The following CAMK1D variants were observed in gnomAD, a reference collection of about 807,000 sequenced individuals.
The protein encoded by CAMK1D is calcium/calmodulin-dependent protein kinase type 1D.
Under a neutral mutation model 47.7 loss-of-function variants are expected in CAMK1D, and 9 were observed. The ratio of observed to expected loss-of-function variants is 0.19; its 90% confidence interval spans 0.11 to 0.33. The LOEUF is 0.33. Among genes scored for constraint, CAMK1D ranks in the 10% least tolerant of loss-of-function variants. The pLI is 1.00. For synonymous variants in CAMK1D, 184 were observed against 184.9 expected, an observed-to-expected ratio of 0.99 and a Z score of 0.04; for missense variants, 291 against 488.7, an observed-to-expected ratio of 0.60 and a Z score of 3.81.
chr10:12,786,741 A>G (rs1256842547), intron 5 of CAMK1D, among the ~76,000 whole-genome samples: 1 of 152,154 alleles, frequency 6.6e-6, no homozygotes, highest in Non-Finnish European at 1.5e-5. Context: ...TTTCTTAACC[A>G]TATGCTTGAT....
intron 3 of CAMK1D, among the ~76,000 whole-genome samples, chr10:12,728,372 A>G (rs926372323): frequency 1.3e-5 from 2 of 152,234 alleles, no homozygotes; most frequent in Non-Finnish European, 2.9e-5. Context: ...CGCTAGTTAC[A>G]TCGGTACAAA....
At chr10:12,643,909 G>A (rs958457692) in intron 2 of CAMK1D, among the ~76,000 whole-genome samples, 4 of 151,468 alleles carry the variant, frequency 2.6e-5, no homozygotes, top group African/African-American at 7.3e-5. Flanking sequence ...AATCTAATGC[G>A]TGATGATCTG....
chr10:12,731,212 C>G (rs1484664057), intron 3 of CAMK1D, among the ~76,000 whole-genome samples: 1 of 152,114 alleles, frequency 6.6e-6, no homozygotes, highest in Non-Finnish European at 1.5e-5. Context: ...GGAATGAGAT[C>G]TAGTGTACGT....
chr10:12,650,088 T>A (rs1324959532), intron 2 of CAMK1D, among the ~76,000 whole-genome samples: 1 of 152,232 alleles, frequency 6.6e-6, no homozygotes, highest in African/African-American at 2.4e-5. Flanking sequence ...CAGGTGACCT[T>A]GGTGACAAAG....
chr10:12,619,707 C>G (rs1838932243), intron 2 of CAMK1D, among the ~76,000 whole-genome samples: 1 of 151,856 alleles, frequency 6.6e-6, no homozygotes, highest in Non-Finnish European at 1.5e-5. Context: ...TACCCTTTAC[C>G]AAGTTTCCCC....
intron 3 of CAMK1D, among the ~76,000 whole-genome samples, chr10:12,738,444 T>C (rs972018687): frequency 6.6e-6 from 1 of 152,244 alleles, no homozygotes; most frequent in Admixed American, 6.5e-5. Context: ...AGGAATGGCA[T>C]CATCCAAAAT....
At chr10:12,608,641 T>C (rs1489409513) in intron 2 of CAMK1D, among the ~76,000 whole-genome samples, 1 of 152,232 alleles carries the variant, frequency 6.6e-6, no homozygotes, top group African/African-American at 2.4e-5. Context: ...CAACTGGAAT[T>C]AGGAACTATC....
At chr10:12,525,829 C>T (rs543936948) in intron 1 of CAMK1D, among the ~76,000 whole-genome samples, 2 of 152,292 alleles carry the variant, frequency 1.3e-5, no homozygotes, top group Admixed American at 1.3e-4. Flanking sequence ...GTGATCTCCG[C>T]TCAGTACAAC....
chr10:12,811,278 G>A (rs1184928680), intron 6 of CAMK1D, among the ~76,000 whole-genome samples: 1 of 152,250 alleles, frequency 6.6e-6, no homozygotes, highest in Non-Finnish European at 1.5e-5. Context: ...GATTACCAGT[G>A]TGAATGGGCG....
intron 2 of CAMK1D, among the ~76,000 whole-genome samples, chr10:12,568,190 C>A (rs1837192774): frequency 9.9e-6 from 1 of 101,122 alleles, no homozygotes; most frequent in Admixed American, 9.7e-5. Context: ...CCCTCTCCCC[C>A]TCTCTCCCTC....
At chr10:12,656,485 C>A (rs1840118439) in intron 2 of CAMK1D, among the ~76,000 whole-genome samples, 1 of 151,912 alleles carries the variant, frequency 6.6e-6, no homozygotes, top group Non-Finnish European at 1.5e-5. Context: ...GAGTGAGAGA[C>A]CCTGTTTCAA....
At chr10:12,781,103 T>C (rs796830948) in intron 5 of CAMK1D, among the ~76,000 whole-genome samples, 61 of 152,308 alleles carry the variant, frequency 4.0e-4, no homozygotes, top group African/African-American at 1.4e-3. Flanking sequence ...CCTTGTGGAA[T>C]TGCTTCTTTA....
intron 2 of CAMK1D, among the ~76,000 whole-genome samples, chr10:12,610,077 T>C (rs1196080850): frequency 6.6e-6 from 1 of 152,192 alleles, no homozygotes; most frequent in Non-Finnish European, 1.5e-5. Flanking sequence ...GAAGAGGTCC[T>C]GATCTGTAGC....
intron 1 of CAMK1D, among the ~76,000 whole-genome samples, chr10:12,541,850 C>CCTTCCTTCCTT (rs1314545509): frequency 1.7e-5 from 2 of 118,312 alleles, no homozygotes; most frequent in African/African-American, 3.3e-5. Context: ...TATCTTCCTT[C>CCTTCCTTCCTT]CTTCCTTCCT....
rs3995725 is a variant in CAMK1D at position 12,392,929 on chromosome 10, T to TAC, written c.92+43029_92+43030dup. Among the ~76,000 whole-genome samples, 387 of 151,528 alleles carry TAC rather than the reference T, an allele frequency of 2.6e-3. 1 individual carries two copies. The highest frequency in any genetic ancestry group is 8.7e-3 in the African/African-American group (361 of 41,260). On this transcript the variant is annotated intron_variant, in intron 1 of 10. Transcript: ENST00000619168. ...CCAAATTTTCCTAGTTTTGAAAGTA[T>TAC]ACACACACACAACACACACACACAT... is the stretch of plus-strand genomic sequence containing the variant.
intron 2 of CAMK1D, among the ~76,000 whole-genome samples, chr10:12,617,090 A>T (rs951197803): frequency 6.6e-6 from 1 of 152,110 alleles, no homozygotes; most frequent in African/African-American, 2.4e-5. Context: ...AAGCAAGGTG[A>T]GTGGTAGATT....
intron 8 of CAMK1D, among the ~76,000 whole-genome samples, chr10:12,819,997 G>T (rs1832958771): frequency 6.6e-6 from 1 of 152,172 alleles, no homozygotes. Flanking sequence ...GGGGAAGATT[G>T]TGCTAGGAGG....
Position 12,349,920 on chromosome 10 carries a change from G to C in CAMK1D, c.92+10G>C. 1 of 1,521,240 alleles carries C rather than the reference G, an allele frequency of 6.6e-7. No homozygotes were observed. The highest frequency in any genetic ancestry group is 8.9e-7 in the Non-Finnish European group (1 of 1,126,464). 94.2% of individuals were successfully genotyped at this position (1,521,240 alleles called of 1,614,324 possible). On this transcript the variant is annotated intron_variant, in intron 1 of 10. Coordinates refer to ENST00000619168, the MANE Select transcript of CAMK1D (RefSeq NM_153498.4). ...AAGAGACCCTCGGAACGTAAGTGGG[G>C]ACCGGGGAGGCGAGGGTGGAGGTGG...
At chr10:12,400,537 T>G (rs1439173898) in intron 1 of CAMK1D, among the ~76,000 whole-genome samples, 31 of 152,186 alleles carry the variant, frequency 2.0e-4, no homozygotes, top group Admixed American at 2.0e-3. Context: ...TATTCTCTGA[T>G]TTCACGTAGC....
Sources: gnomAD v4.1 joint callset for allele counts (sites outside exome capture counted in the v4.1 genomes callset) on GRCh38, gnomAD v4.1.1 for gene constraint, MANE v1.5 for transcripts, NCBI Gene and HGNC (gene_info 2026-07-23, HGNC 2026-07-21) for gene names.